CSGALNACT1: variants seen among roughly 807,000 people sequenced by gnomAD.
The protein encoded by CSGALNACT1 is beta4GalNAcT-1.
CSGALNACT1 carries 52 observed loss-of-function variants against 51.0 expected under a neutral mutation model. The observed-to-expected ratio is 1.02, with a 90% CI of 0.82 to 1.29. The LOEUF (loss-of-function observed/expected upper bound fraction) is 1.29, where lower values mean the gene tolerates loss of function less well. CSGALNACT1 is among the 50% of genes most tolerant of loss of function. The pLI is 0.00. For synonymous variants in CSGALNACT1, 341 were observed against 254.4 expected, an observed-to-expected ratio of 1.34 and a Z score of -3.24; for missense variants, 935 against 679.2, an observed-to-expected ratio of 1.38 and a Z score of -4.19.
intron 3 of CSGALNACT1, among the ~76,000 whole-genome samples, chr8:19,508,916 T>C (rs1385525091): frequency 6.6e-6 from 1 of 152,256 alleles, no homozygotes; most frequent in African/African-American, 2.4e-5. Context: ...CTTCAAGATC[T>C]AGTTTGGCTT....
At position 19,420,520 on chromosome 8, in the gene CSGALNACT1, T is replaced by G. The variant is rs1245170009; in HGVS notation, c.954-2A>C. ...GTAAAGTTCCTGAAGTTGGCAGCTC[T>G]GAAAGGCAAGACCAGGTACTGTCAC... On this transcript the variant is annotated splice_acceptor_variant, in intron 6 of 9. Transcript: ENST00000454498. LOFTEE classifies it high-confidence loss of function. 6.2e-7 allele frequency: 1 copy of G among 1,613,840 alleles called. No homozygotes were observed. Among genetic ancestry groups the G allele is most frequent in the South Asian group, 1.1e-5 (1 of 91,052 alleles).
intron 7 of CSGALNACT1, among the ~76,000 whole-genome samples, chr8:19,419,008 G>A (rs1301888948): frequency 3.3e-5 from 5 of 151,934 alleles, no homozygotes; most frequent in East Asian, 1.9e-4. Context: ...CACCACACCC[G>A]GCCAATTTTT....
At chr8:19,453,185 G>A (rs1026867136) in intron 5 of CSGALNACT1, among the ~76,000 whole-genome samples, 3 of 152,132 alleles carry the variant, frequency 2.0e-5, no homozygotes, top group Non-Finnish European at 4.4e-5. Flanking sequence ...AACTCAAACA[G>A]AAGAAAATTT....
rs2066279123 is a variant in CSGALNACT1, at chr8:19,464,669, C to T, written c.635-6027G>A. The stretch of plus-strand genomic sequence containing the variant: ...TGCTGTCAGAATTACATTCTTAACA[C>T]CCTACTGTGAACTGCACATGTAAAG... On this transcript the variant is annotated intron_variant, in intron 4 of 9. Coordinates refer to ENST00000454498, the Ensembl canonical transcript of CSGALNACT1. 2.6e-5 allele frequency among the ~76,000 whole-genome samples: 4 copies of T among 152,110 alleles called. 1 individual carries two copies. The South Asian group carries it at 8.3e-4, about 32-fold the overall frequency.
intron 3 of CSGALNACT1, among the ~76,000 whole-genome samples, chr8:19,516,807 G>A (rs1314080515): frequency 6.6e-6 from 1 of 152,200 alleles, no homozygotes; most frequent in Non-Finnish European, 1.5e-5. Context: ...GAGCCCCCAG[G>A]AGGGGGTGAG....
At chr8:19,553,639 A>ATATATATATATAT (rs869251447) in intron 3 of CSGALNACT1, among the ~76,000 whole-genome samples, 11 of 126,606 alleles carry the variant, frequency 8.7e-5, no homozygotes, top group African/African-American at 3.2e-4. Context: ...ATATATATAT[A>ATATATATATATAT]AAAAAATATG....
At chr8:19,669,812 G>A (rs2059651907) in intron 1 of CSGALNACT1, among the ~76,000 whole-genome samples, 1 of 152,036 alleles carries the variant, frequency 6.6e-6, no homozygotes, top group Admixed American at 6.5e-5. Flanking sequence ...CTAATGTTGT[G>A]GCAACATTAA....
At chr8:19,688,129 C>T (rs1014998844) in intron 1 of CSGALNACT1, among the ~76,000 whole-genome samples, 26 of 152,216 alleles carry the variant, frequency 1.7e-4, no homozygotes, top group African/African-American at 1.4e-4. Context: ...GAGTGAACAA[C>T]TCTCTGACTA....
At chr8:19,472,502 T>A (rs182602557) in intron 4 of CSGALNACT1, among the ~76,000 whole-genome samples, 47 of 152,370 alleles carry the variant, frequency 3.1e-4, no homozygotes, top group African/African-American at 1.1e-3. Context: ...GATTTTGAAG[T>A]ATCTTTCAAA....
chr8:19,531,603 G>C (rs964216793), intron 3 of CSGALNACT1, among the ~76,000 whole-genome samples: 8 of 152,202 alleles, frequency 5.3e-5, no homozygotes, highest in African/African-American at 1.7e-4. Context: ...CAGCTTCTCA[G>C]GTGCAAGGAA....
At chr8:19,512,619 A>C (rs2078674772) in intron 3 of CSGALNACT1, among the ~76,000 whole-genome samples, 1 of 152,192 alleles carries the variant, frequency 6.6e-6, no homozygotes, top group Non-Finnish European at 1.5e-5. Context: ...CATCAGAAAT[A>C]CATTACTATA....
At chr8:19,602,156 G>A (rs1459124345) in exon 1 of CSGALNACT1, 1 of 193,164 alleles carries the variant, frequency 5.2e-6, no homozygotes, top group Non-Finnish European at 1.1e-5. Flanking sequence ...CAAAAAAGCC[G>A]ATCTCGCAGG....
At chr8:19,468,471 G>C (rs531929172) in intron 4 of CSGALNACT1, among the ~76,000 whole-genome samples, 1 of 152,136 alleles carries the variant, frequency 6.6e-6, no homozygotes, top group Non-Finnish European at 1.5e-5. Context: ...CCGGGTCAGC[G>C]TTTTAGCATG....
At chr8:19,462,746 T>C (rs992279770) in intron 4 of CSGALNACT1, among the ~76,000 whole-genome samples, 3 of 152,232 alleles carry the variant, frequency 2.0e-5, no homozygotes, top group Admixed American at 2.0e-4. Flanking sequence ...GGTTTCTCTA[T>C]ACTCTGCTAA....
chr8:19,656,592 C>CAG (rs374257118), intron 1 of CSGALNACT1, among the ~76,000 whole-genome samples: 1 of 88,140 alleles, frequency 1.1e-5, no homozygotes, highest in Admixed American at 1.1e-4. Context: ...AGAAACTACG[C>CAG]CCCCCCCCCA....
intron 1 of CSGALNACT1, among the ~76,000 whole-genome samples, chr8:19,700,713 T>C (rs561297405): frequency 2.6e-5 from 4 of 152,304 alleles, no homozygotes; most frequent in African/African-American, 9.6e-5. Context: ...AATCTTAACA[T>C]ATGCTAAAAA....
At chr8:19,584,395 A>AT (rs35677277) in intron 3 of CSGALNACT1, among the ~76,000 whole-genome samples, 4,099 of 151,550 alleles carry the variant, frequency 0.027, 185 homozygotes, top group African/African-American at 0.093. Flanking sequence ...GGGCTGAAAT[A>AT]TTTTTTTTTG....
rs1002006955 is a variant in CSGALNACT1 at position 19,658,223 on chromosome 8, A to C, written c.-544+24250T>G. Among the ~76,000 whole-genome samples, 79 of 152,222 alleles carry C rather than the reference A, an allele frequency of 5.2e-4. 2 individuals carry two copies. The highest frequency in any genetic ancestry group is 6.8e-3 in the Middle Eastern group (2 of 294). ...CTTATAAAGCAAAGGCCATGTGCAC[A>C]CACAGCCAGGAGGTAGCTGTCTGGA... On this transcript the variant is annotated intron_variant, in intron 1 of 9. Transcript: ENST00000332246.
chr8:19,611,776 A>C (rs1053290900), intron 1 of CSGALNACT1, among the ~76,000 whole-genome samples: 14 of 152,192 alleles, frequency 9.2e-5, no homozygotes, highest in African/African-American at 3.4e-4. Flanking sequence ...GCATGGTAGC[A>C]GCAGAAACGG....
Sources: allele counts gnomAD v4.1 joint callset (sites outside exome capture counted in the v4.1 genomes callset), GRCh38; gene constraint gnomAD v4.1.1; transcripts MANE v1.5; gene names NCBI Gene and HGNC (gene_info 2026-07-23, HGNC 2026-07-21).